The following BRINP3 variants were observed in gnomAD, a reference collection of about 807,000 sequenced individuals.
BRINP3 encodes the protein BMP/retinoic acid-inducible neural-specific protein 3.
In BRINP3, 19 loss-of-function variants were observed where a neutral mutation model predicts 71.0. The observed-to-expected ratio is 0.27, with a 90% CI of 0.19 to 0.39. The LOEUF (loss-of-function observed/expected upper bound fraction) is 0.39, where lower values mean the gene tolerates loss of function less well. BRINP3 is among the 10% of genes least tolerant of loss of function. The pLI, the probability that BRINP3 is intolerant of heterozygous loss-of-function variation, is 1.00. For synonymous variants in BRINP3, 380 were observed against 337.7 expected, an observed-to-expected ratio of 1.13 and a Z score of -1.37; for missense variants, 959 against 940.8, an observed-to-expected ratio of 1.02 and a Z score of -0.25.
chr1:190,181,616 G>A (rs951616578), intron 6 of BRINP3, among the ~76,000 whole-genome samples: 1 of 151,924 alleles, frequency 6.6e-6, no homozygotes, highest in African/African-American at 2.4e-5. Context: ...TGGTGGACTA[G>A]TGTAGGTATT....
intron 1 of BRINP3, among the ~76,000 whole-genome samples, chr1:190,463,649 T>C (rs1676544802): frequency 6.6e-6 from 1 of 151,886 alleles, no homozygotes; most frequent in South Asian, 2.1e-4. Flanking sequence ...ATTCTATATA[T>C]TCTGTAGTCA....
At chr1:190,363,201 C>T (rs1191021200) in intron 2 of BRINP3, among the ~76,000 whole-genome samples, 1 of 152,042 alleles carries the variant, frequency 6.6e-6, no homozygotes, top group African/African-American at 2.4e-5. Flanking sequence ...TGGCCAACAG[C>T]CAACAACAAA....
intron 7 of BRINP3, among the ~76,000 whole-genome samples, chr1:190,137,946 C>T (rs907226938): frequency 6.6e-6 from 1 of 151,480 alleles, no homozygotes; most frequent in African/African-American, 2.4e-5. Context: ...AAAAGACTTC[C>T]TAGTTTTTTT....
chr1:190,222,080 T>C (rs1236169093), intron 6 of BRINP3, among the ~76,000 whole-genome samples: 1 of 151,972 alleles, frequency 6.6e-6, no homozygotes, highest in South Asian at 2.1e-4. Flanking sequence ...CTAGATGACA[T>C]TAACAAAACA....
chr1:190,336,824 T>TCCCC (rs1667313868), intron 2 of BRINP3, among the ~76,000 whole-genome samples: 1 of 54,416 alleles, frequency 1.8e-5, no homozygotes, highest in Non-Finnish European at 3.4e-5. Flanking sequence ...CCTTCCCTCC[T>TCCCC]TCCCTCCCTC....
chr1:190,298,430 A>AT (rs759907788), intron 2 of BRINP3, among the ~76,000 whole-genome samples: 22 of 144,858 alleles, frequency 1.5e-4, no homozygotes, highest in South Asian at 4.4e-4. Flanking sequence ...TATTGGTTTG[A>AT]TTTTTTTTTT....
intron 2 of BRINP3, among the ~76,000 whole-genome samples, chr1:190,415,075 T>C (rs930491976): frequency 3.3e-5 from 5 of 152,200 alleles, no homozygotes; most frequent in African/African-American, 9.6e-5. Flanking sequence ...TGGACCTACA[T>C]GTAAAACTTT....
chr1:190,317,150 T>C (rs1458938983), intron 2 of BRINP3, among the ~76,000 whole-genome samples: 3 of 122,172 alleles, frequency 2.5e-5, no homozygotes, highest in Non-Finnish European at 4.9e-5. Flanking sequence ...CCAGAGTGGG[T>C]GGCTGAGCGA....
intron 6 of BRINP3, among the ~76,000 whole-genome samples, chr1:190,194,495 A>G (rs1407272299): frequency 2.0e-5 from 3 of 152,118 alleles, no homozygotes; most frequent in Non-Finnish European, 4.4e-5. Flanking sequence ...TCCATTTGAA[A>G]CTTTCTATAT....
intron 2 of BRINP3, among the ~76,000 whole-genome samples, chr1:190,447,802 G>T (rs1239194967): frequency 6.6e-6 from 1 of 151,220 alleles, no homozygotes; most frequent in Non-Finnish European, 1.5e-5. Context: ...AATAACCCTG[G>T]TATATCATAA....
rs372317653 is a variant in BRINP3, at chr1:190,433,342, C to T, written c.236+21313G>A. Among the ~76,000 whole-genome samples, 13 of 152,314 alleles carry T rather than the reference C, an allele frequency of 8.5e-5. No homozygotes were observed. In the East Asian group the frequency reaches 2.3e-3, roughly 27 times the overall value. ...CATTTGGAATAATACCTGAACTTAA[C>T]TGTGGCATTGAAAGCCTCTACGATC... On this transcript the variant is annotated intron_variant, in intron 2 of 7. Transcript: ENST00000367462.
chr1:190,223,228 AAC>A (rs1657044959), intron 6 of BRINP3, among the ~76,000 whole-genome samples: 2 of 151,972 alleles, frequency 1.3e-5, no homozygotes, highest in Non-Finnish European at 2.9e-5. Context: ...AACCAATAAG[AAC>A]ACTACAGATC....
intron 2 of BRINP3, among the ~76,000 whole-genome samples, chr1:190,338,947 G>T (rs1249706620): frequency 6.6e-6 from 1 of 151,494 alleles, no homozygotes; most frequent in East Asian, 1.9e-4. Context: ...GTGTAAGCAA[G>T]TATATATGAG....
intron 2 of BRINP3, among the ~76,000 whole-genome samples, chr1:190,324,715 C>G (rs981084113): frequency 6.6e-6 from 1 of 151,580 alleles, no homozygotes; most frequent in African/African-American, 2.4e-5. Context: ...TAATAGATAT[C>G]CATGTTTATA....
At chr1:190,240,122 T>A (rs115289120) in intron 4 of BRINP3, among the ~76,000 whole-genome samples, 2,021 of 151,928 alleles carry the variant, frequency 0.013, 47 homozygotes, top group African/African-American at 0.045. Context: ...TTAATATCCA[T>A]ATTTCATTTT....
chr1:190,473,651 A>G (rs560469261), intron 1 of BRINP3, among the ~76,000 whole-genome samples: 119 of 151,640 alleles, frequency 7.8e-4, no homozygotes, highest in Non-Finnish European at 1.1e-3. Flanking sequence ...TTGAGTATTC[A>G]GAATGTGTTT....
chr1:190,216,306 AT>A (rs1386189356), intron 6 of BRINP3, among the ~76,000 whole-genome samples: 3 of 151,604 alleles, frequency 2.0e-5, no homozygotes, highest in African/African-American at 7.2e-5. Context: ...GGTTACTACT[AT>A]TGTGAGGTTT....
At chr1:190,319,579 A>C (rs1666103113) in intron 2 of BRINP3, among the ~76,000 whole-genome samples, 1 of 152,116 alleles carries the variant, frequency 6.6e-6, no homozygotes, top group Non-Finnish European at 1.5e-5. Flanking sequence ...GAGGCATCAA[A>C]AAGCTTCAAA....
intron 6 of BRINP3, among the ~76,000 whole-genome samples, chr1:190,201,287 C>T (rs1195254803): frequency 6.6e-6 from 1 of 152,056 alleles, no homozygotes; most frequent in Non-Finnish European, 1.5e-5. Flanking sequence ...GATTTTGAAA[C>T]TTTGAGCTCG....
Sources: allele counts gnomAD v4.1 joint callset (sites outside exome capture counted in the v4.1 genomes callset), GRCh38; gene constraint gnomAD v4.1.1; transcripts MANE v1.5; gene names NCBI Gene and HGNC (gene_info 2026-07-23, HGNC 2026-07-21).